CFAP54: variants seen among roughly 807,000 people sequenced by gnomAD.
The protein encoded by CFAP54 is cilia- and flagella-associated protein 54.
Under a neutral mutation model 370.4 loss-of-function variants are expected in CFAP54, and 290 were observed. The ratio of observed to expected loss-of-function variants is 0.78; its 90% CI spans 0.71 to 0.86. CFAP54 has a LOEUF of 0.86. CFAP54 is among the 40% of genes least tolerant of loss of function. The probability of loss-of-function intolerance (pLI) is 0.00; values close to 1 mark genes in which losing one functional copy is unlikely to be tolerated. For missense variants in CFAP54, 3,399 were observed against 3,528.7 expected, an observed-to-expected ratio of 0.96 and a Z score of 0.93; for synonymous variants, 1,206 against 1,236.5, an observed-to-expected ratio of 0.98 and a Z score of 0.52.
At chr12:96,586,094 C>T (rs1435042473) in intron 22 of CFAP54, among the ~76,000 whole-genome samples, 1 of 152,176 alleles carries the variant, frequency 6.6e-6, no homozygotes, top group African/African-American at 2.4e-5. Flanking sequence ...TGAGTGCTTA[C>T]TCTGTGCCAG....
At chr12:96,529,007 G>A (rs1184691751) in intron 9 of CFAP54, among the ~76,000 whole-genome samples, 3 of 151,960 alleles carry the variant, frequency 2.0e-5, no homozygotes, top group Middle Eastern at 3.2e-3. Flanking sequence ...TTTCTAATAC[G>A]CAGTGTGATT....
intron 8 of CFAP54, among the ~76,000 whole-genome samples, chr12:96,524,898 G>A (rs1302949919): frequency 6.6e-6 from 1 of 151,926 alleles, no homozygotes; most frequent in East Asian, 1.9e-4. Flanking sequence ...TATTACTTTA[G>A]TTCTTTCAAA....
intron 66 of CFAP54, among the ~76,000 whole-genome samples, chr12:96,832,548 A>C (rs1394690397): frequency 5.3e-5 from 8 of 152,114 alleles, no homozygotes; most frequent in Non-Finnish European, 1.2e-4. Flanking sequence ...CCTAGTAAAA[A>C]TAATTGTTTA....
At chr12:96,538,284 G>C in intron 12 of CFAP54, 100 bp from the exon 13 acceptor site, 2 of 1,019,410 alleles carry the variant, frequency 2.0e-6, no homozygotes, top group East Asian at 2.6e-5. Context: ...CAACATGTTA[G>C]TATTTGTAAA....
chr12:96,793,549 T>C (rs555969155), intron 63 of CFAP54, among the ~76,000 whole-genome samples: 1 of 152,264 alleles, frequency 6.6e-6, no homozygotes, highest in East Asian at 1.9e-4. Context: ...TATAATGACT[T>C]TTTTCCTCTG....
intron 1 of CFAP54, 61 bp from the exon 2 acceptor site, chr12:96,500,773 C>T: frequency 8.2e-7 from 1 of 1,212,234 alleles, no homozygotes; most frequent in African/African-American, 1.5e-5. Flanking sequence ...GGATTGCTTG[C>T]AAATTAATTG....
At chr12:96,550,373 T>C (rs1955681772) in intron 15 of CFAP54, among the ~76,000 whole-genome samples, 1 of 152,144 alleles carries the variant, frequency 6.6e-6, no homozygotes, top group Admixed American at 6.5e-5. Context: ...TATCAGAAGT[T>C]TGAGACCAGC....
intron 65 of CFAP54, among the ~76,000 whole-genome samples, chr12:96,828,105 T>A (rs1440802116): frequency 7.2e-6 from 1 of 139,690 alleles, no homozygotes; most frequent in East Asian, 2.0e-4. Flanking sequence ...AAAAGCAAAT[T>A]TTTGCTTTCT....
At chr12:96,570,141 G>C (rs1955900528) in intron 19 of CFAP54, among the ~76,000 whole-genome samples, 1 of 151,654 alleles carries the variant, frequency 6.6e-6, no homozygotes, top group African/African-American at 2.4e-5. Context: ...ATGCCTGGCT[G>C]TTTGTATTTT....
chr12:96,517,001 G>GTTT (rs35848079), intron 5 of CFAP54, among the ~76,000 whole-genome samples: 1 of 138,780 alleles, frequency 7.2e-6, no homozygotes. Context: ...ACTTTTTAAA[G>GTTT]TTTTTTTTTT....
chr12:96,653,122 G>T (rs1956880573), intron 36 of CFAP54, among the ~76,000 whole-genome samples: 1 of 152,204 alleles, frequency 6.6e-6, no homozygotes, highest in African/African-American at 2.4e-5. Flanking sequence ...TTCACTCCAT[G>T]TACCTCTTCA....
intron 22 of CFAP54, among the ~76,000 whole-genome samples, chr12:96,583,149 T>G (rs907302948): frequency 6.6e-6 from 1 of 152,210 alleles, no homozygotes; most frequent in Admixed American, 6.5e-5. Context: ...CAAGTGAATC[T>G]CTACTAGGCT....
At chr12:96,763,990 C>T (rs886293374) in intron 58 of CFAP54, among the ~76,000 whole-genome samples, 161 bp from the exon 59 acceptor site, 2 of 152,036 alleles carry the variant, frequency 1.3e-5, no homozygotes, top group African/African-American at 4.8e-5. Context: ...ATTTTGTAAC[C>T]TACACTTTTC....
At chr12:96,538,787 C>G (rs374507848) in intron 13 of CFAP54, 3 of 331,842 alleles carry the variant, frequency 9.0e-6, no homozygotes, top group Non-Finnish European at 5.6e-6. Flanking sequence ...CTTGCTCTGT[C>G]CTGGAGGCTG....
At position 96,519,240 on chromosome 12, in the gene CFAP54, A is replaced by G. The variant is rs373177171; in HGVS notation, c.942+169A>G. ...CAGCCTCCTGGGTAGCTGGGATTAC[A>G]GGCATGCGCCACCATGCCCGGCTAA... On this transcript the variant is annotated intron_variant, in intron 6 of 67. Coordinates refer to ENST00000524981, the MANE Select transcript of CFAP54 (RefSeq NM_001306084.2). 1.3e-4 allele frequency among the ~76,000 whole-genome samples: 20 copies of G among 152,148 alleles called. No homozygotes were observed. In the East Asian group the frequency reaches 2.5e-3, roughly 19 times the overall value.
chr12:96,657,881 G>A lies in CFAP54; in HGVS notation c.5101-1G>A, dbSNP rs753925777. The A allele has an allele frequency of 6.3e-7, 1 of 1,594,568 alleles. No homozygotes were observed. The highest frequency in any genetic ancestry group is 8.6e-7 in the Non-Finnish European group (1 of 1,169,434). On this transcript the variant is annotated splice_acceptor_variant, in intron 36 of 67. Transcript: ENST00000524981. LOFTEE classifies it high-confidence loss of function. ...TTTTTTTTTCACTGTGCTACTTGCA[G>A]CCTATTGAAGACAAAGGAGAATTCA...
chr12:96,835,849 C>A (rs1355067960), intron 66 of CFAP54, among the ~76,000 whole-genome samples: 1 of 152,172 alleles, frequency 6.6e-6, no homozygotes, highest in Non-Finnish European at 1.5e-5. Context: ...CAGCCCCAGC[C>A]ATGCCTTCCT....
In CFAP54 at chr12:96,860,881, T is replaced by C; in HGVS notation, c.9234T>C (p.Asn3078=). ...TTGAGAGACTTTTTGATCTGGCTAA[T>C]GGTTGCATTTTATCAGGAGGAAGCC... ...FNLERLFDLA[N]GCILSGGSLF... The change falls in exon 67 of 68, where the codon AAT becomes AAC. Residue 3078 remains asparagine, a synonymous_variant. Coordinates refer to ENST00000524981, the MANE Select transcript of CFAP54 (RefSeq NM_001306084.2). The C allele has an allele frequency of 6.5e-7, 1 of 1,535,010 alleles. No individual in the cohort carries two copies. Among genetic ancestry groups the C allele is most frequent in the Non-Finnish European group, 8.7e-7 (1 of 1,146,122 alleles).
chr12:96,592,776 A>G (rs1209100343), intron 24 of CFAP54, 139 bp downstream of exon 24: 5 of 338,742 alleles, frequency 1.5e-5, no homozygotes, highest in Non-Finnish European at 2.7e-5. Context: ...ATGCGACTTT[A>G]TGTGATATTT....
Sources: gnomAD v4.1 joint callset for allele counts (sites outside exome capture counted in the v4.1 genomes callset) on GRCh38, gnomAD v4.1.1 for gene constraint, MANE v1.5 for transcripts, NCBI Gene and HGNC (gene_info 2026-07-23, HGNC 2026-07-21) for gene names.